The following CERK variants were observed in gnomAD, a reference collection of about 807,000 sequenced individuals.
CERK encodes the protein ceramide kinase.
A neutral mutation model predicts 63.4 loss-of-function variants in CERK; 39 were observed. The ratio of observed to expected loss-of-function variants is 0.61; its 90% confidence interval spans 0.48 to 0.80. The LOEUF is 0.80. Among genes scored for constraint, CERK ranks in the 30% least tolerant of loss-of-function variants. CERK has a pLI of 0.00. For missense variants in CERK, 670 were observed against 714.1 expected (o/e 0.94, Z 0.70); for synonymous variants, 302 against 280.0 (o/e 1.08, Z -0.78).
At chr22:46,718,089 A>T (rs1192721731) in intron 3 of CERK, among the ~76,000 whole-genome samples, 1 of 147,876 alleles carries the variant, frequency 6.8e-6, no homozygotes, top group Non-Finnish European at 1.5e-5. Context: ...AACCAAGAAC[A>T]AAACAAAGAA....
At chr22:46,728,556 C>T in intron 1 of CERK, among the ~76,000 whole-genome samples, 1 of 152,226 alleles carries the variant, frequency 6.6e-6, no homozygotes, top group Non-Finnish European at 1.5e-5. Flanking sequence ...CGCAGCACTG[C>T]AGGGCACAGT....
rs188568608 is a variant in CERK at position 46,703,894 on chromosome 22, C to T, written c.716-2184G>A. Reference sequence around the variant, plus strand: ...CCCAGCCACACTGGCTTCCTTGTCCCGAACACCCCCAGCTCCTCCCACCTG... The same window carrying T: ...CCCAGCCACACTGGCTTCCTTGTCCTGAACACCCCCAGCTCCTCCCACCTG... On this transcript the variant is annotated intron_variant, in intron 6 of 12. Transcript: ENST00000216264. 4.8e-4 allele frequency among the ~76,000 whole-genome samples: 72 copies of T among 151,348 alleles called. 1 individual carries two copies. The highest frequency in any genetic ancestry group is 1.6e-3 in the African/African-American group (64 of 41,188).
intron 3 of CERK, among the ~76,000 whole-genome samples, chr22:46,715,716 A>G (rs2082863024): frequency 6.6e-6 from 1 of 152,178 alleles, no homozygotes; most frequent in Non-Finnish European, 1.5e-5. Context: ...AGAAAGAGGA[A>G]AATGAATCTT....
At chr22:46,691,498 A>C (rs2082731271) in intron 11 of CERK, 74 bp downstream of exon 11, 2 of 1,281,922 alleles carry the variant, frequency 1.6e-6, no homozygotes, top group Non-Finnish European at 2.2e-6. Context: ...GAATTCCTAC[A>C]ACACATAAAC....
chr22:46,721,233 T>C (rs2082890756), intron 1 of CERK, among the ~76,000 whole-genome samples: 1 of 152,004 alleles, frequency 6.6e-6, no homozygotes, highest in Non-Finnish European at 1.5e-5. Flanking sequence ...ATGGTGACAC[T>C]GCACTCCAGC....
chr22:46,691,154 A>T (rs8140720), intron 11 of CERK, among the ~76,000 whole-genome samples: 56,463 of 151,790 alleles, frequency 0.37, 11,697 homozygotes, highest in Non-Finnish European at 0.48. Flanking sequence ...AGCTCACTGT[A>T]GCCTCCACCT....
chr22:46,728,444 T>A (rs906040734), intron 1 of CERK, among the ~76,000 whole-genome samples: 2 of 152,018 alleles, frequency 1.3e-5, no homozygotes, highest in Non-Finnish European at 2.9e-5. Flanking sequence ...GAGTCCCCAC[T>A]CCCCAACCTG....
At chr22:46,705,898 G>A (rs901434676) in intron 6 of CERK, among the ~76,000 whole-genome samples, 4 of 151,804 alleles carry the variant, frequency 2.6e-5, no homozygotes, top group Non-Finnish European at 4.4e-5. Context: ...TTGGCCGAGT[G>A]TGGTGGTGCA....
chr22:46,703,829 G>T (rs1027865950), intron 6 of CERK, among the ~76,000 whole-genome samples: 6 of 152,016 alleles, frequency 3.9e-5, no homozygotes, highest in Non-Finnish European at 7.4e-5. Flanking sequence ...GTGGAACTCG[G>T]CATCTCCCTC....
chr22:46,703,953 C>T (rs751183056), intron 6 of CERK, among the ~76,000 whole-genome samples: 6 of 151,932 alleles, frequency 3.9e-5, no homozygotes, highest in Admixed American at 2.6e-4. Context: ...CCGGCCTAGG[C>T]CCCTCACCTG....
At chr22:46,717,446 A>G (rs2082871787) in intron 3 of CERK, among the ~76,000 whole-genome samples, 1 of 152,284 alleles carries the variant, frequency 6.6e-6, no homozygotes, top group Admixed American at 6.5e-5. Flanking sequence ...CATACGGCCT[A>G]GAGAATGGAC....
chr22:46,729,605 A>G (rs1180129259), intron 1 of CERK, among the ~76,000 whole-genome samples: 1 of 152,114 alleles, frequency 6.6e-6, no homozygotes, highest in African/African-American at 2.4e-5. Flanking sequence ...GCCTTACAAA[A>G]TAATGTACCA....
At chr22:46,702,914 G>A (rs1041773857) in intron 6 of CERK, among the ~76,000 whole-genome samples, 6 of 152,138 alleles carry the variant, frequency 3.9e-5, no homozygotes, top group Non-Finnish European at 5.9e-5. Context: ...AACTGAATAC[G>A]GGAGTTCCTC....
chr22:46,732,293 C>T (rs917234581), intron 1 of CERK, among the ~76,000 whole-genome samples: 3 of 152,152 alleles, frequency 2.0e-5, no homozygotes, highest in Non-Finnish European at 4.4e-5. Context: ...CTGGGCTAAT[C>T]GCTGAAGCCA....
rs1244596159 is a variant in CERK at position 46,690,135 on chromosome 22, C to T, written c.1398G>A (p.Glu466=). The change falls in exon 12 of 13, where the codon GAG becomes GAA. Residue 466 remains glutamate (E), a synonymous_variant. Transcript: ENST00000216264. The part of the protein sequence containing the change: ...KKFQFTSKHM[E]DEDSDLKEGG... Reference sequence around the variant, plus strand: ...CCTCCTTGAGGTCGCTGTCCTCATCCTCCATGTGCTTCGACGTAAACTGGA... The same window carrying T: ...CCTCCTTGAGGTCGCTGTCCTCATCTTCCATGTGCTTCGACGTAAACTGGA... The T allele has an allele frequency of 1.2e-6, 2 of 1,614,012 alleles. No individual in the cohort carries two copies. Among genetic ancestry groups the T allele is most frequent in the Non-Finnish European group, 1.7e-6 (2 of 1,180,038 alleles).
rs1450809230 is a variant in CERK, at chr22:46,714,869, C to A, written c.380-2576G>T. Among the ~76,000 whole-genome samples, 2 of 151,926 alleles carry A rather than the reference C, an allele frequency of 1.3e-5. No individual in the cohort carries two copies. The highest frequency in any genetic ancestry group is 1.9e-4 in the East Asian group (1 of 5,192). ...AACCTACGTGCAAAAATCCTAAACA[C>A]AATATCGGTAAGTCAAATCCAGTGA... On this transcript the variant is annotated intron_variant, in intron 3 of 12. Transcript: ENST00000216264. This position sits in a 1 kb window ranked among gnomAD's most constrained non-coding sequence, Gnocchi z 4.4.
In CERK at chr22:46,738,199, G is replaced by T; in HGVS notation, c.-51C>A. The T allele has an allele frequency of 9.3e-7, 1 of 1,080,496 alleles. No individual in the cohort carries two copies. The highest frequency in any genetic ancestry group is 1.1e-6 in the Non-Finnish European group (1 of 892,734). The allele number at this position is 1,080,496 out of a possible 1,614,324, so 66.9% of individuals were successfully genotyped here. The stretch of plus-strand genomic sequence containing the variant: ...GCTGGGGGCGCGCGGACGCCGAGGG[G>T]CGCCGGACCGTTAGCGGCCCCTGCA... On this transcript the variant is annotated 5_prime_UTR_variant, in exon 1 of 13. Transcript: ENST00000216264.
chr22:46,688,624 T>G (rs567730479), intron 12 of CERK, among the ~76,000 whole-genome samples: 1 of 152,372 alleles, frequency 6.6e-6, no homozygotes, highest in South Asian at 2.1e-4. Context: ...CGCAGCTGGC[T>G]GGCTGAGGAG....
At position 46,720,006 on chromosome 22, in the gene CERK, G is replaced by A; in HGVS notation, c.379+80C>T. 2.6e-6 allele frequency: 4 copies of A among 1,547,564 alleles called. No homozygotes were observed. The South Asian group carries it at 4.8e-5, about 18-fold the overall frequency. On this transcript the variant is annotated intron_variant, in intron 3 of 12. Transcript: ENST00000216264. ...TATGGCCAGCTGCACGAAACGGGGA[G>A]ACACTTCAGGAAGATCACCCAATCA...
Sources: gnomAD v4.1 joint callset for allele counts (sites outside exome capture counted in the v4.1 genomes callset) on GRCh38, gnomAD v4.1.1 for gene constraint, Gnocchi (gnomAD v3.1) non-coding constraint, MANE v1.5 for transcripts, NCBI Gene and HGNC (gene_info 2026-07-23, HGNC 2026-07-21) for gene names.